SMOC2: variants seen among roughly 807,000 people sequenced by gnomAD.
The protein encoded by SMOC2 is SPARC-related modular calcium-binding protein 2.
SMOC2 carries 39 observed loss-of-function variants against 61.4 expected under a neutral mutation model. The observed-to-expected ratio is 0.64, with a 90% CI of 0.49 to 0.83. SMOC2 has a LOEUF of 0.83. Among genes scored for constraint, SMOC2 ranks in the 40% least tolerant of loss-of-function variants. SMOC2 has a pLI of 0.00. For missense variants in SMOC2, 556 were observed against 592.9 expected, an observed-to-expected ratio of 0.94 and a Z score of 0.65; for synonymous variants, 247 against 239.9, an observed-to-expected ratio of 1.03 and a Z score of -0.27.
At chr6:168,578,712 C>T (rs978209956) in intron 7 of SMOC2, among the ~76,000 whole-genome samples, 11 of 152,204 alleles carry the variant, frequency 7.2e-5, no homozygotes, top group African/African-American at 9.6e-5. Context: ...AAAGACCTAA[C>T]GTAGCAGCTT....
chr6:168,543,948 C>T (rs1783934028), intron 5 of SMOC2, among the ~76,000 whole-genome samples: 1 of 152,136 alleles, frequency 6.6e-6, no homozygotes, highest in Admixed American at 6.5e-5. Context: ...ACCTCCCAGT[C>T]TGTGACTGTG....
At chr6:168,598,043 A>C (rs540500781) in intron 7 of SMOC2, among the ~76,000 whole-genome samples, 1 of 152,366 alleles carries the variant, frequency 6.6e-6, no homozygotes, top group South Asian at 2.1e-4. Context: ...CATGTGAGTG[A>C]GTGTCAGTAT....
Position 168,475,740 on chromosome 6 carries a change from G to T in SMOC2, c.85-34175G>T, listed in dbSNP as rs1782065254. 6.6e-6 allele frequency among the ~76,000 whole-genome samples: 1 copy of T among 152,162 alleles called. No individual in the cohort carries two copies. Among genetic ancestry groups the T allele is most frequent in the Admixed American group, 6.5e-5 (1 of 15,276 alleles). ...AGGACACTGCTCGGCGTTAGAAGAA[G>T]AAGTAGTGAAGGGCAGTATTGGTGG... On this transcript the variant is annotated intron_variant, in intron 1 of 12. Coordinates refer to ENST00000356284, the MANE Select transcript of SMOC2 (RefSeq NM_001166412.2). The surrounding 1 kb of genome is among the most constrained non-coding windows in gnomAD (Gnocchi z 4.6).
At chr6:168,506,115 C>T (rs1782866987) in intron 1 of SMOC2, among the ~76,000 whole-genome samples, 1 of 152,118 alleles carries the variant, frequency 6.6e-6, no homozygotes, top group South Asian at 2.1e-4. Context: ...TCAAGTGAGC[C>T]TCCCACCTCA....
At position 168,441,367 on chromosome 6, in the gene SMOC2, C is replaced by T; in HGVS notation, c.-4C>T. The T allele has an allele frequency of 6.6e-7, 1 of 1,504,006 alleles. No homozygotes were observed. Among genetic ancestry groups the T allele is most frequent in the Non-Finnish European group, 8.8e-7 (1 of 1,132,436 alleles). 93.2% of individuals were successfully genotyped at this position (1,504,006 alleles called of 1,614,324 possible). On this transcript the variant is annotated 5_prime_UTR_variant, in exon 1 of 13. Transcript: ENST00000356284. ...GATCTCCCGCTCCCGCCACCTCCGCCACCATGCTGCTCCCCCAGCTCTGCT... is the reference window on the plus strand; with the variant it reads ...GATCTCCCGCTCCCGCCACCTCCGCTACCATGCTGCTCCCCCAGCTCTGCT...
intron 4 of SMOC2, among the ~76,000 whole-genome samples, chr6:168,531,791 A>G (rs1783608887): frequency 6.6e-6 from 1 of 152,236 alleles, no homozygotes; most frequent in East Asian, 1.9e-4. Flanking sequence ...TGGAAGTGGC[A>G]GAGCTGGGAT....
intron 8 of SMOC2, among the ~76,000 whole-genome samples, chr6:168,599,864 A>G (rs1023957190): frequency 2.2e-5 from 3 of 134,866 alleles, no homozygotes; most frequent in Non-Finnish European, 4.7e-5. Context: ...AGTCTTATAC[A>G]CACAATCACC....
At chr6:168,653,623 CAACCAA>C (rs1787258057) in intron 11 of SMOC2, among the ~76,000 whole-genome samples, 1 of 136,070 alleles carries the variant, frequency 7.3e-6, no homozygotes, top group African/African-American at 2.8e-5. Flanking sequence ...TCCTGAGCTC[CAACCAA>C]ATGTTAGGAA....
At chr6:168,615,184 C>T (rs4489132) in intron 9 of SMOC2, among the ~76,000 whole-genome samples, 13,562 of 23,052 alleles carry the variant, frequency 0.59, 4,732 homozygotes, top group Middle Eastern at 0.7. Flanking sequence ...GGCCTCTTCA[C>T]ACCTACAGCC....
chr6:168,475,671 G>T lies in SMOC2; in HGVS notation c.84+34217G>T, dbSNP rs185329801. Among the ~76,000 whole-genome samples, 3 of 152,252 alleles carry T rather than the reference G, an allele frequency of 2.0e-5. No homozygotes were observed. The highest frequency in any genetic ancestry group is 2.9e-5 in the Non-Finnish European group (2 of 67,990). On this transcript the variant is annotated intron_variant, in intron 1 of 12. Coordinates refer to ENST00000356284, the MANE Select transcript of SMOC2 (RefSeq NM_001166412.2). The surrounding 1 kb of genome is among the most constrained non-coding windows in gnomAD (Gnocchi z 4.6). ...GAGAACTGAGACCTGCTTCCCACGCGTCTGTGGCCCAGGGAGGCCACGTGT... is the reference window on the plus strand; with the variant it reads ...GAGAACTGAGACCTGCTTCCCACGCTTCTGTGGCCCAGGGAGGCCACGTGT...
chr6:168,515,436 C>T (rs2609322), intron 2 of SMOC2, among the ~76,000 whole-genome samples: 136,311 of 152,194 alleles, frequency 0.9, 61,963 homozygotes, highest in East Asian at 1. Flanking sequence ...GGGCTGGGCT[C>T]GGAGAGGCTC....
intron 5 of SMOC2, among the ~76,000 whole-genome samples, chr6:168,545,016 T>TG (rs1015988598): frequency 6.6e-6 from 1 of 152,000 alleles, no homozygotes; most frequent in Admixed American, 6.6e-5. Context: ...GACACTGGGT[T>TG]GGGGGAGGGT....
chr6:168,591,948 C>A (rs965804498), intron 7 of SMOC2, among the ~76,000 whole-genome samples: 6 of 152,046 alleles, frequency 3.9e-5, no homozygotes, highest in Non-Finnish European at 7.4e-5. Context: ...TTTTCTCTAT[C>A]AATGGTCATT....
chr6:168,535,394 G>A lies in SMOC2; in HGVS notation c.463+7667G>A, dbSNP rs1231086169. 6.6e-6 allele frequency among the ~76,000 whole-genome samples: 1 copy of A among 152,060 alleles called. No individual in the cohort carries two copies. On this transcript the variant is annotated intron_variant, in intron 4 of 12. Transcript: ENST00000356284. The surrounding 1 kb of genome is among the most constrained non-coding windows in gnomAD (Gnocchi z 4.6). ...TATGCAGCTACAACAGTTAAATGTT[G>A]CAAAGATTTATGAAACTATTAAAAT...
chr6:168,632,722 C>A (rs971635590), intron 9 of SMOC2, among the ~76,000 whole-genome samples: 9 of 152,194 alleles, frequency 5.9e-5, no homozygotes, highest in African/African-American at 2.2e-4. Context: ...GGTTAATGTC[C>A]TTCTTCATCC....
intron 4 of SMOC2, among the ~76,000 whole-genome samples, chr6:168,537,486 C>T (rs566335873): frequency 1.3e-5 from 2 of 152,368 alleles, no homozygotes; most frequent in African/African-American, 2.4e-5. Flanking sequence ...TGTCCTAATA[C>T]AGCACTCTGC....
At chr6:168,558,655 A>G (rs968068926) in intron 7 of SMOC2, among the ~76,000 whole-genome samples, 4 of 152,264 alleles carry the variant, frequency 2.6e-5, no homozygotes, top group Non-Finnish European at 5.9e-5. Flanking sequence ...CTTGGTGTCT[A>G]GGAATGGAAT....
chr6:168,585,467 T>G (rs1163536127), intron 7 of SMOC2, among the ~76,000 whole-genome samples: 1 of 152,238 alleles, frequency 6.6e-6, no homozygotes, highest in African/African-American at 2.4e-5. Flanking sequence ...TTAATGGATA[T>G]TTTGTTTTTC....
chr6:168,560,043 T>C (rs55741100), intron 7 of SMOC2, among the ~76,000 whole-genome samples: 2,060 of 152,370 alleles, frequency 0.014, 22 homozygotes, highest in Non-Finnish European at 0.023. Flanking sequence ...TGCACATGTG[T>C]ATGTGTGTAA....
Sources: allele counts gnomAD v4.1 joint callset (sites outside exome capture counted in the v4.1 genomes callset), GRCh38; gene constraint gnomAD v4.1.1; non-coding constraint Gnocchi (gnomAD v3.1); transcripts MANE v1.5; gene names NCBI Gene and HGNC (gene_info 2026-07-23, HGNC 2026-07-21).